C9orf152: variants seen among roughly 807,000 people sequenced by gnomAD.
The protein encoded by C9orf152 is uncharacterized protein C9orf152.
Under a neutral mutation model 8.5 loss-of-function variants are expected in C9orf152, and 8 were observed. The ratio of observed to expected loss-of-function variants is 0.94; its 90% CI spans 0.55 to 1.70. The LOEUF is 1.70. Among genes scored for constraint, C9orf152 ranks in the 40% most tolerant of loss-of-function variants. C9orf152 has a pLI of 0.00. For synonymous variants in C9orf152, 109 were observed against 113.0 expected, an observed-to-expected ratio of 0.96 and a Z score of 0.22; for missense variants, 293 against 286.2, an observed-to-expected ratio of 1.02 and a Z score of -0.17.
chr9:110,204,599 T>G (rs1262146812), intron 1 of C9orf152, among the ~76,000 whole-genome samples: 4 of 152,192 alleles, frequency 2.6e-5, no homozygotes, highest in Non-Finnish European at 5.9e-5. Context: ...CTTATACCAC[T>G]TAAAATATGT....
chr9:110,205,681 G>A (rs1837266237), intron 1 of C9orf152, among the ~76,000 whole-genome samples: 1 of 152,222 alleles, frequency 6.6e-6, no homozygotes, highest in African/African-American at 2.4e-5. Context: ...AAATGGCAGA[G>A]CTGGGACTCA....
rs1837207122 is a variant in C9orf152 at position 110,200,844 on chromosome 9, G to A, written c.*104C>T. 8.8e-7 allele frequency: 1 copy of A among 1,141,850 alleles called. No homozygotes were observed. Among genetic ancestry groups the A allele is most frequent in the South Asian group, 1.5e-5 (1 of 65,654 alleles). The allele number at this position is 1,141,850 out of a possible 1,614,324, so 70.7% of individuals were successfully genotyped here. On this transcript the variant is annotated 3_prime_UTR_variant, in exon 2 of 2. Coordinates refer to ENST00000400613, the MANE Select transcript of C9orf152 (RefSeq NM_001012993.3). Reference sequence around the variant, plus strand: ...CAATTCCTATAATTAGGTTAGTCCAGTTCTTGCTCATAGCTAGAGACCTCG... The same window carrying A: ...CAATTCCTATAATTAGGTTAGTCCAATTCTTGCTCATAGCTAGAGACCTCG...
intron 1 of C9orf152, among the ~76,000 whole-genome samples, chr9:110,201,799 CG>C (rs35863166): frequency 6.6e-6 from 1 of 152,170 alleles, no homozygotes; most frequent in East Asian, 1.9e-4. Flanking sequence ...CCACACCTTC[CG>C]GGGTGTGTCC....
Position 110,199,627 on chromosome 9 carries a change from A to G in C9orf152, c.*1321T>C, listed in dbSNP as rs1464817479. On this transcript the variant is annotated 3_prime_UTR_variant, in exon 2 of 2. Coordinates refer to ENST00000400613, the MANE Select transcript of C9orf152 (RefSeq NM_001012993.3). ...AACAACTGAATTGTATTAATTATTC[A>G]CAAAAGGAATGACAATCCCCAAATT... is the stretch of plus-strand genomic sequence containing the variant. 1 of 152,224 alleles carries G rather than the reference A, an allele frequency of 6.6e-6. No homozygotes were observed. The highest frequency in any genetic ancestry group is 1.5e-5 in the Non-Finnish European group (1 of 68,032). The allele number at this position is 152,224 out of a possible 1,614,324, so 9.4% of individuals were successfully genotyped here.
At chr9:110,206,533 A>C (rs973545969) in intron 1 of C9orf152, among the ~76,000 whole-genome samples, 2 of 152,234 alleles carry the variant, frequency 1.3e-5, no homozygotes, top group African/African-American at 4.8e-5. Flanking sequence ...GGTTGGCAAC[A>C]GCCCAGGTAA....
chr9:110,205,476 C>T (rs943337722), intron 1 of C9orf152, among the ~76,000 whole-genome samples: 4 of 152,302 alleles, frequency 2.6e-5, no homozygotes, highest in South Asian at 2.1e-4. Flanking sequence ...GGCCTTCCTA[C>T]TTAGATACAT....
At chr9:110,202,071 T>TTTTG (rs58614004) in intron 1 of C9orf152, among the ~76,000 whole-genome samples, 31,797 of 151,480 alleles carry the variant, frequency 0.21, 4,021 homozygotes, top group East Asian at 0.6. Flanking sequence ...CTGGGATTCT[T>TTTTG]TTTGTTTGTT....
chr9:110,201,066 G>C lies in C9orf152; in HGVS notation c.602C>G (p.Pro201Arg), dbSNP rs767658481. 4.3e-6 allele frequency: 7 copies of C among 1,614,236 alleles called. No individual in the cohort carries two copies. The South Asian group carries it at 5.5e-5, about 13-fold the overall frequency. The change falls in exon 2 of 2, where the codon CCT (proline) becomes CGT (arginine). Residue 201 changes from proline to arginine, a missense_variant. Pro to Arg is a moderately radical substitution (Grantham distance 103). Transcript: ENST00000400613. ...ESGLKFSTQC[P>R]LSIKNPHRSG... ...CCTGTGTGGGTTCTTTATGGAAAGA[G>C]GACATTGAGTGCTGAATTTTAAGCC...
At position 110,207,511 on chromosome 9, in the gene C9orf152, A is replaced by C; in HGVS notation, c.69T>G (p.Ala23=). The C allele has an allele frequency of 1.2e-6, 2 of 1,612,562 alleles. No homozygotes were observed. The highest frequency in any genetic ancestry group is 8.5e-7 in the Non-Finnish European group (1 of 1,179,388). ...CAGGGGCCTGAGTCCTGGAGCCCTC[A>C]GCCATTAAGTGAGACCTAAGCTGCC... ...HFWQLRSHLM[A]EGSRTQAPGK... The change falls in exon 1 of 2, where the codon GCT becomes GCG. Residue 23 remains alanine, a synonymous_variant. Coordinates refer to ENST00000400613, the MANE Select transcript of C9orf152 (RefSeq NM_001012993.3).
intron 1 of C9orf152, among the ~76,000 whole-genome samples, chr9:110,205,958 A>G (rs1837269665): frequency 1.3e-5 from 2 of 152,048 alleles, no homozygotes; most frequent in Admixed American, 1.3e-4. Context: ...CAGGAGGCTG[A>G]GGCAGGGAGA....
rs752870762 is a variant in C9orf152 at position 110,201,516 on chromosome 9, C to G, written c.194-42G>C. ...CCAGCAGGGTCATCACTGGAAGGGA[C>G]AGGGGCGGCTCTCACTTAGGGGGTC... On this transcript the variant is annotated intron_variant, in intron 1 of 1. Transcript: ENST00000400613. 4 of 1,485,844 alleles carry G rather than the reference C, an allele frequency of 2.7e-6. No homozygotes were observed. In the South Asian group the frequency reaches 5.6e-5, roughly 21 times the overall value. 92.0% of individuals were successfully genotyped at this position (1,485,844 alleles called of 1,614,324 possible).
intron 1 of C9orf152, among the ~76,000 whole-genome samples, chr9:110,204,719 T>C (rs1314415877): frequency 6.6e-6 from 1 of 152,204 alleles, no homozygotes; most frequent in Non-Finnish European, 1.5e-5. Flanking sequence ...TCTCCAGAAT[T>C]CTTCAGTTTC....
At chr9:110,202,001 G>A (rs1837227753) in intron 1 of C9orf152, among the ~76,000 whole-genome samples, 1 of 152,174 alleles carries the variant, frequency 6.6e-6, no homozygotes, top group Non-Finnish European at 1.5e-5. Flanking sequence ...TCACACACAT[G>A]TGGGTTCACA....
At position 110,207,650 on chromosome 9, in the gene C9orf152, C is replaced by G; in HGVS notation, c.-71G>C. 6 of 1,180,326 alleles carry G rather than the reference C, an allele frequency of 5.1e-6. No homozygotes were observed. Among genetic ancestry groups the G allele is most frequent in the South Asian group, 3.4e-5 (2 of 58,234 alleles). The allele number at this position is 1,180,326 out of a possible 1,614,324, so 73.1% of individuals were successfully genotyped here. A position where few individuals can be genotyped will look rare whatever the true frequency, so the allele number is the denominator to read the frequency against. On this transcript the variant is annotated 5_prime_UTR_variant, in exon 1 of 2. Transcript: ENST00000400613. The stretch of plus-strand genomic sequence containing the variant: ...GGGGAGGGGAGAGAGAGGGAGGGGG[C>G]AGTGAGGGAGAAGGAGAAGTGACGG...
At position 110,200,945 on chromosome 9, in the gene C9orf152, G is replaced by T; in HGVS notation, c.*3C>A. The T allele has an allele frequency of 6.3e-7, 1 of 1,596,394 alleles. No homozygotes were observed. Among genetic ancestry groups the T allele is most frequent in the Non-Finnish European group, 8.5e-7 (1 of 1,172,590 alleles). On this transcript the variant is annotated 3_prime_UTR_variant, in exon 2 of 2. Transcript: ENST00000400613. ...GTCAAGACATCTGGCAGAATAGAAA[G>T]CTTCACGCTGAGCCATATAAGCCCA...
At chr9:110,207,290 G>A (rs989138754) in intron 1 of C9orf152, 97 bp downstream of exon 1, 100 of 1,368,200 alleles carry the variant, frequency 7.3e-5, no homozygotes, top group Non-Finnish European at 1.0e-4. Context: ...CCACTGGGAG[G>A]GAGGGCTGGC....
In C9orf152 at chr9:110,199,908, C is replaced by A. The variant is rs541352383; in HGVS notation, c.*1040G>T. Reference sequence around the variant, plus strand: ...TTCCCTATCACCCAAGTGACACCTGCTTCGCTTTGTCTTAGGTTTAAAAAT... The same window carrying A: ...TTCCCTATCACCCAAGTGACACCTGATTCGCTTTGTCTTAGGTTTAAAAAT... On this transcript the variant is annotated 3_prime_UTR_variant, in exon 2 of 2. Transcript: ENST00000400613. 6.6e-6 allele frequency: 1 copy of A among 152,330 alleles called. No individual in the cohort carries two copies. The highest frequency in any genetic ancestry group is 2.1e-4 in the South Asian group (1 of 4,824). The allele number at this position is 152,330 out of a possible 1,614,324, so 9.4% of individuals were successfully genotyped here.
intron 1 of C9orf152, among the ~76,000 whole-genome samples, chr9:110,205,458 T>C (rs1471720157): frequency 2.0e-5 from 3 of 152,196 alleles, no homozygotes; most frequent in Non-Finnish European, 2.9e-5. Flanking sequence ...AGTGCTAGTG[T>C]TTCAAGTGGC....
chr9:110,206,516 T>G (rs1837275685), intron 1 of C9orf152, among the ~76,000 whole-genome samples: 1 of 152,188 alleles, frequency 6.6e-6, no homozygotes, highest in Non-Finnish European at 1.5e-5. Context: ...GGAACGAGGA[T>G]TCCATTGGTT....
Sources: gnomAD v4.1 joint callset for allele counts (sites outside exome capture counted in the v4.1 genomes callset) on GRCh38, gnomAD v4.1.1 for gene constraint, MANE v1.5 for transcripts, NCBI Gene and HGNC (gene_info 2026-07-23, HGNC 2026-07-21) for gene names.